The following SYNPR variants were observed in gnomAD, a reference collection of about 807,000 sequenced individuals.
SYNPR encodes the protein synaptoporin.
A neutral mutation model predicts 32.9 loss-of-function variants in SYNPR; 23 were observed. The observed-to-expected ratio is 0.70, with a 90% CI of 0.50 to 0.99. SYNPR has a LOEUF of 0.99. Among genes scored for constraint, SYNPR ranks in the 50% least tolerant of loss-of-function variants. The probability of loss-of-function intolerance (pLI) is 0.00; values close to 1 mark genes in which losing one functional copy is unlikely to be tolerated. For synonymous variants in SYNPR, 146 were observed against 135.9 expected (o/e 1.07, Z -0.52); for missense variants, 318 against 349.3 (o/e 0.91, Z 0.71).
intron 2 of SYNPR, among the ~76,000 whole-genome samples, chr3:63,366,340 A>G (rs1404400274): frequency 1.3e-5 from 2 of 152,106 alleles, no homozygotes; most frequent in Admixed American, 1.3e-4. Context: ...ATAAGCTTAG[A>G]TGATCTTTAT....
At chr3:63,378,572 T>C (rs1332030348) in intron 2 of SYNPR, among the ~76,000 whole-genome samples, 1 of 152,070 alleles carries the variant, frequency 6.6e-6, no homozygotes, top group African/African-American at 2.4e-5. Context: ...GTCTTGAAAT[T>C]GGGTAAACTG....
At chr3:63,513,073 T>C (rs1395948999) in intron 3 of SYNPR, among the ~76,000 whole-genome samples, 1 of 151,722 alleles carries the variant, frequency 6.6e-6, no homozygotes, top group African/African-American at 2.4e-5. Context: ...CCCAGAATCG[T>C]ATAACTGGCC....
chr3:63,297,383 C>T (rs1041349894), intron 2 of SYNPR, among the ~76,000 whole-genome samples: 5 of 152,128 alleles, frequency 3.3e-5, no homozygotes, highest in African/African-American at 1.2e-4. Flanking sequence ...TCATTTTAAA[C>T]ATCAAAATAA....
In SYNPR at chr3:63,541,436, T is replaced by C. The variant is rs575819005; in HGVS notation, c.210-15107T>C. 1.4e-4 allele frequency among the ~76,000 whole-genome samples: 21 copies of C among 152,196 alleles called. No individual in the cohort carries two copies. The East Asian group carries it at 3.1e-3, about 23-fold the overall frequency. Reference sequence around the variant, plus strand: ...TACAATCTATTGACCTTAGTCATTCTCCGGGACAGCAAAATGCACCAGTTC... The same window carrying C: ...TACAATCTATTGACCTTAGTCATTCCCCGGGACAGCAAAATGCACCAGTTC... On this transcript the variant is annotated intron_variant, in intron 3 of 5. Coordinates refer to ENST00000478300, the MANE Select transcript of SYNPR (RefSeq NM_001130003.2).
At chr3:63,524,630 T>A (rs1701972520) in intron 3 of SYNPR, among the ~76,000 whole-genome samples, 1 of 152,152 alleles carries the variant, frequency 6.6e-6, no homozygotes, top group Admixed American at 6.5e-5. Context: ...AATAGCAGTC[T>A]GGGAAAGCCA....
At chr3:63,531,228 CA>C (rs1458296883) in intron 3 of SYNPR, among the ~76,000 whole-genome samples, 2 of 152,162 alleles carry the variant, frequency 1.3e-5, no homozygotes, top group Admixed American at 6.5e-5. Flanking sequence ...CAAAGCATCA[CA>C]AACTGGGTGG....
intron 4 of SYNPR, among the ~76,000 whole-genome samples, chr3:63,567,523 A>T (rs1183942494): frequency 1.3e-5 from 2 of 152,164 alleles, no homozygotes; most frequent in African/African-American, 4.8e-5. Flanking sequence ...GCACACACTC[A>T]CACACACAGC....
chr3:63,240,700 G>A (rs1441038117), intron 1 of SYNPR, among the ~76,000 whole-genome samples: 1 of 152,064 alleles, frequency 6.6e-6, no homozygotes, highest in Non-Finnish European at 1.5e-5. Flanking sequence ...TTATTGCAAG[G>A]GCCATGACCT....
upstream of SYNPR, chr3:63,278,264 C>T: frequency 2.2e-6 from 1 of 462,566 alleles, no homozygotes; most frequent in Non-Finnish European, 3.9e-6. Flanking sequence ...CATGGGTTTC[C>T]CCCTCCCCTG....
At chr3:63,283,810 CTTTTTT>C (rs142282438) in intron 2 of SYNPR, among the ~76,000 whole-genome samples, 975 of 87,168 alleles carry the variant, frequency 0.011, 5 homozygotes, top group Non-Finnish European at 0.016. Context: ...AGATAATTAC[CTTTTTT>C]TTTTTTTTTT....
At chr3:63,328,760 A>G (rs1456520253) in intron 2 of SYNPR, among the ~76,000 whole-genome samples, 3 of 152,138 alleles carry the variant, frequency 2.0e-5, no homozygotes, top group African/African-American at 7.2e-5. Flanking sequence ...TGAATCTACT[A>G]TGGCTAAATA....
Position 63,468,171 on chromosome 3 carries a change from G to A in SYNPR, c.85-12661G>A, listed in dbSNP as rs560789216. On this transcript the variant is annotated intron_variant, in intron 2 of 5. Coordinates refer to ENST00000478300, the MANE Select transcript of SYNPR (RefSeq NM_001130003.2). The stretch of plus-strand genomic sequence containing the variant: ...ATGGTGCCGTTGCACTCCAGCCTGG[G>A]CAACAAGAGCAAAACTCCATCTCAA... Among the ~76,000 whole-genome samples, 4 of 138,850 alleles carry A rather than the reference G, an allele frequency of 2.9e-5. No homozygotes were observed. In the South Asian group the frequency reaches 9.1e-4, roughly 32 times the overall value. 91.1% of individuals were successfully genotyped at this position (138,850 alleles called of 152,430 possible). A position where few individuals can be genotyped will look rare whatever the true frequency, so the allele number is the denominator to read the frequency against.
chr3:63,462,360 C>T (rs780306451), intron 2 of SYNPR, among the ~76,000 whole-genome samples: 4 of 152,124 alleles, frequency 2.6e-5, no homozygotes, highest in Non-Finnish European at 5.9e-5. Flanking sequence ...AATACGCATA[C>T]ACCCAGTACC....
intron 2 of SYNPR, among the ~76,000 whole-genome samples, chr3:63,422,019 T>G (rs778684703): frequency 1.1e-4 from 16 of 152,248 alleles, no homozygotes; most frequent in Non-Finnish European, 2.4e-4. Flanking sequence ...ATTAGGGATA[T>G]TCATTACATA....
At chr3:63,335,125 C>T (rs1024816262) in intron 2 of SYNPR, among the ~76,000 whole-genome samples, 4 of 152,178 alleles carry the variant, frequency 2.6e-5, no homozygotes, top group East Asian at 1.9e-4. Flanking sequence ...GAGGCCGAGG[C>T]GGGTGGATCA....
chr3:63,455,806 A>T (rs531968274), intron 2 of SYNPR, among the ~76,000 whole-genome samples: 25 of 132,226 alleles, frequency 1.9e-4, no homozygotes, highest in Non-Finnish European at 2.1e-4. Context: ...GATGTTCTCA[A>T]AGTCAAATGT....
intron 3 of SYNPR, among the ~76,000 whole-genome samples, chr3:63,483,650 C>T (rs1701089644): frequency 6.6e-6 from 1 of 151,980 alleles, no homozygotes. Flanking sequence ...CTATGGCTTC[C>T]AGTGAGATGA....
At chr3:63,610,018 A>G (rs1041240300) in intron 5 of SYNPR, among the ~76,000 whole-genome samples, 1 of 152,218 alleles carries the variant, frequency 6.6e-6, no homozygotes, top group Non-Finnish European at 1.5e-5. Context: ...TTCAAGCCAC[A>G]TGTAGCTGGA....
intron 3 of SYNPR, among the ~76,000 whole-genome samples, chr3:63,533,811 G>A (rs1272434743): frequency 6.6e-6 from 1 of 152,120 alleles, no homozygotes; most frequent in Non-Finnish European, 1.5e-5. Flanking sequence ...CCATCCCTTG[G>A]CTATCGAATA....
Sources: gnomAD v4.1 joint callset for allele counts (sites outside exome capture counted in the v4.1 genomes callset) on GRCh38, gnomAD v4.1.1 for gene constraint, MANE v1.5 for transcripts, NCBI Gene and HGNC (gene_info 2026-07-23, HGNC 2026-07-21) for gene names.